The following CADM2 variants were observed in gnomAD, a reference collection of about 807,000 sequenced individuals.
CADM2 encodes cell adhesion molecule 2.
CADM2 carries 12 observed loss-of-function variants against 49.8 expected under a neutral mutation model. The ratio of observed to expected loss-of-function variants is 0.24; its 90% CI spans 0.15 to 0.39. The LOEUF is 0.39. Among genes scored for constraint, CADM2 ranks in the 10% least tolerant of loss-of-function variants. The probability of loss-of-function intolerance (pLI) is 1.00; values close to 1 mark genes in which losing one functional copy is unlikely to be tolerated. For synonymous variants in CADM2, 214 were observed against 175.4 expected, an observed-to-expected ratio of 1.22 and a Z score of -1.74; for missense variants, 378 against 492.3, an observed-to-expected ratio of 0.77 and a Z score of 2.20.
intron 1 of CADM2, among the ~76,000 whole-genome samples, chr3:85,588,285 A>G (rs2062998133): frequency 6.6e-6 from 1 of 152,014 alleles, no homozygotes; most frequent in African/African-American, 2.4e-5. Context: ...CTGATGTTTT[A>G]ATTTTAGTAG....
At chr3:85,563,794 G>A (rs1170475638) in intron 1 of CADM2, among the ~76,000 whole-genome samples, 1 of 152,120 alleles carries the variant, frequency 6.6e-6, no homozygotes, top group Non-Finnish European at 1.5e-5. Context: ...CCATATAAAT[G>A]ATTGTTCTGA....
rs577291645 is a variant in CADM2 at position 85,043,044 on chromosome 3, T to C, written c.61+83376T>C. ...AATGACAACACAAAGGCATTTGAGC[T>C]AGGGGTAGTAAATCATGGAGAAGCC... On this transcript the variant is annotated intron_variant, in intron 1 of 9. Transcript: ENST00000383699. Among the ~76,000 whole-genome samples the C allele has an allele frequency of 5.9e-5, 9 of 152,292 alleles. No homozygotes were observed. The South Asian group carries it at 6.2e-4, about 11-fold the overall frequency.
At chr3:85,399,205 T>A (rs1490599302) in intron 1 of CADM2, among the ~76,000 whole-genome samples, 2 of 152,214 alleles carry the variant, frequency 1.3e-5, no homozygotes, top group Non-Finnish European at 2.9e-5. Flanking sequence ...GCTTTCTACA[T>A]ATGGCTAGGC....
chr3:85,575,312 T>G (rs931288223), intron 1 of CADM2, among the ~76,000 whole-genome samples: 15 of 152,152 alleles, frequency 9.9e-5, no homozygotes, highest in African/African-American at 3.1e-4. Flanking sequence ...AGCACTTTGG[T>G]AGGCCAAGGT....
At chr3:85,602,201 C>T (rs138308781) in intron 1 of CADM2, among the ~76,000 whole-genome samples, 2 of 151,676 alleles carry the variant, frequency 1.3e-5, no homozygotes, top group East Asian at 1.9e-4. Flanking sequence ...TTATTTAAAA[C>T]CATTTTAATT....
chr3:85,133,901 T>G (rs1182819989), intron 1 of CADM2, among the ~76,000 whole-genome samples: 1 of 152,148 alleles, frequency 6.6e-6, no homozygotes, highest in Non-Finnish European at 1.5e-5. Context: ...CTGGGCGCCG[T>G]GGAGCAGGGG....
chr3:85,854,725 C>T (rs1193132895), intron 3 of CADM2, among the ~76,000 whole-genome samples: 3 of 151,980 alleles, frequency 2.0e-5, no homozygotes, highest in East Asian at 3.9e-4. Flanking sequence ...CATGTGTATA[C>T]CTATGTAACA....
intron 1 of CADM2, among the ~76,000 whole-genome samples, chr3:85,142,380 G>C (rs563540755): frequency 6.6e-6 from 1 of 152,228 alleles, no homozygotes; most frequent in South Asian, 2.1e-4. Context: ...AAAATGTTCA[G>C]ATTGCTTTAC....
In CADM2 at chr3:85,961,514, T is replaced by A. The variant is rs751013468; in HGVS notation, c.837T>A (p.Asp279Glu). 4 of 1,607,476 alleles carry A rather than the reference T, an allele frequency of 2.5e-6. No individual in the cohort carries two copies. The highest frequency in any genetic ancestry group is 1.3e-5 in the African/African-American group (1 of 74,750). Reference protein sequence around the residue: ...LWTKDGGELPDPDRMVVSGRE... With the variant: ...LWTKDGGELPEPDRMVVSGRE... ...CAAAGGATGGCGGAGAATTACCAGA[T>A]CCTGACCGAATGGTTGTGAGTGGTA... The change falls in exon 8 of 10, where the codon GAT becomes GAA. Residue 279 changes from aspartate (D) to glutamate (E), a missense_variant. Coordinates refer to ENST00000383699, the MANE Select transcript of CADM2 (RefSeq NM_001167675.2).
intron 1 of CADM2, among the ~76,000 whole-genome samples, chr3:85,166,509 A>G (rs1007141748): frequency 2.6e-5 from 4 of 151,904 alleles, no homozygotes; most frequent in Non-Finnish European, 5.9e-5. Context: ...AATGAAATAC[A>G]TATTTCTATT....
At chr3:85,142,072 C>T (rs1164605638) in intron 1 of CADM2, among the ~76,000 whole-genome samples, 3 of 152,200 alleles carry the variant, frequency 2.0e-5, no homozygotes, top group East Asian at 3.8e-4. Context: ...CATAGTTACA[C>T]CTCACTTCAA....
Position 85,481,229 on chromosome 3 carries a change from G to GATAGATAT in CADM2, c.62-245290_62-245289insGATATATA, listed in dbSNP as rs1553728472. On this transcript the variant is annotated intron_variant, in intron 1 of 9. Transcript: ENST00000383699. ...GCATATACACAAATTATATATATTG[G>GATAGATAT]ATATATATATATATATATGTTTTGT... is the stretch of plus-strand genomic sequence containing the variant. Among the ~76,000 whole-genome samples, 9 of 144,950 alleles carry GATAGATAT rather than the reference G, an allele frequency of 6.2e-5. No individual in the cohort carries two copies. The Admixed American group carries it at 6.3e-4, about 10-fold the overall frequency.
chr3:85,590,849 G>T (rs1440994368), intron 1 of CADM2, among the ~76,000 whole-genome samples: 1 of 151,296 alleles, frequency 6.6e-6, no homozygotes, highest in Non-Finnish European at 1.5e-5. Context: ...AAACAAAAAA[G>T]GATAATTTTA....
chr3:84,965,663 T>A (rs1228078098), intron 1 of CADM2, among the ~76,000 whole-genome samples: 3 of 152,216 alleles, frequency 2.0e-5, no homozygotes, highest in Non-Finnish European at 4.4e-5. Flanking sequence ...TGCTATTTTT[T>A]ACGTGTGTTG....
At chr3:85,361,036 G>T (rs1434726982) in intron 1 of CADM2, among the ~76,000 whole-genome samples, 1 of 152,082 alleles carries the variant, frequency 6.6e-6, no homozygotes, top group South Asian at 2.1e-4. Flanking sequence ...ACTCTTTCTT[G>T]TCTGGACCAT....
At chr3:85,909,810 C>A (rs1169572416) in intron 5 of CADM2, among the ~76,000 whole-genome samples, 1 of 152,116 alleles carries the variant, frequency 6.6e-6, no homozygotes, top group South Asian at 2.1e-4. Flanking sequence ...GGCTCTATAA[C>A]TGTGTAATGC....
chr3:85,797,998 C>A (rs1478947707), intron 2 of CADM2, among the ~76,000 whole-genome samples: 1 of 152,188 alleles, frequency 6.6e-6, no homozygotes, highest in African/African-American at 2.4e-5. Flanking sequence ...ATTTGCATTT[C>A]TCTAATGACC....
intron 1 of CADM2, among the ~76,000 whole-genome samples, chr3:85,658,106 C>T (rs2065268101): frequency 6.6e-6 from 1 of 151,918 alleles, no homozygotes; most frequent in African/African-American, 2.4e-5. Flanking sequence ...GGTTTGGATA[C>T]AAGTAGGAAG....
intron 1 of CADM2, among the ~76,000 whole-genome samples, chr3:85,176,766 T>A (rs1398162389): frequency 6.6e-6 from 1 of 152,106 alleles, no homozygotes; most frequent in Non-Finnish European, 1.5e-5. Context: ...GCTGGAAAAA[T>A]TATTTTCTAC....
Sources: allele counts gnomAD v4.1 joint callset (sites outside exome capture counted in the v4.1 genomes callset), GRCh38; gene constraint gnomAD v4.1.1; transcripts MANE v1.5; gene names NCBI Gene and HGNC (gene_info 2026-07-23, HGNC 2026-07-21).